The following PMEPA1 variants were observed in gnomAD, a reference collection of about 807,000 sequenced individuals.
The protein encoded by PMEPA1 is protein TMEPAI.
Under a neutral mutation model 23.0 loss-of-function variants are expected in PMEPA1, and 11 were observed. That is an observed-to-expected ratio of 0.48 (90% CI 0.30 to 0.79). PMEPA1 has a LOEUF of 0.79. PMEPA1 is among the 30% of genes least tolerant of loss of function. PMEPA1 has a pLI of 0.06. For missense variants in PMEPA1, 377 were observed against 390.9 expected (o/e 0.96, Z 0.30); for synonymous variants, 204 against 166.4 (o/e 1.23, Z -1.74).
In PMEPA1 at chr20:57,660,192, C is replaced by T. The variant is rs149802990; in HGVS notation, c.110-495G>A. Among the ~76,000 whole-genome samples the T allele has an allele frequency of 4.4e-3, 662 of 152,116 alleles. 6 individuals carry two copies. The highest frequency in any genetic ancestry group is 0.02 in the Middle Eastern group (6 of 294). ...GGGAGGAGAAGGGGACCCCTGAGTG[C>T]GGAGAGAGGAAGTTGGCACTGAGTT... On this transcript the variant is annotated intron_variant, in intron 1 of 3. Transcript: ENST00000341744.
chr20:57,666,287 G>C (rs1275297954), intron 1 of PMEPA1, among the ~76,000 whole-genome samples: 1 of 152,072 alleles, frequency 6.6e-6, no homozygotes, highest in Non-Finnish European at 1.5e-5. Flanking sequence ...TGTCCTGTTT[G>C]TCCTACACTG....
intron 1 of PMEPA1, among the ~76,000 whole-genome samples, chr20:57,680,741 A>C (rs1600653834): frequency 6.6e-6 from 1 of 152,254 alleles, no homozygotes; most frequent in Admixed American, 6.5e-5. Flanking sequence ...CGCTTAGGAA[A>C]GGGCAGTTGT....
intron 1 of PMEPA1, among the ~76,000 whole-genome samples, chr20:57,708,534 C>G (rs1436532500): frequency 6.6e-6 from 1 of 152,208 alleles, no homozygotes; most frequent in Non-Finnish European, 1.5e-5. Flanking sequence ...CACTCCCCAC[C>G]GTTGGTCCAC....
At chr20:57,657,709 G>T (rs913534895) in intron 2 of PMEPA1, among the ~76,000 whole-genome samples, 3 of 152,200 alleles carry the variant, frequency 2.0e-5, no homozygotes, top group African/African-American at 7.2e-5. Context: ...GCAAGCAGAG[G>T]TGTCCAGACC....
rs909360492 is a variant in PMEPA1, at chr20:57,682,444, A to G, written c.110-22747T>C. Among the ~76,000 whole-genome samples, 2 of 152,134 alleles carry G rather than the reference A, an allele frequency of 1.3e-5. No homozygotes were observed. Among genetic ancestry groups the G allele is most frequent in the African/African-American group, 4.8e-5 (2 of 41,436 alleles). On this transcript the variant is annotated intron_variant, in intron 1 of 3. Transcript: ENST00000341744. The surrounding 1 kb of genome is among the most constrained non-coding windows in gnomAD (Gnocchi z 4.4). Reference sequence around the variant, plus strand: ...CAAAGTCACTGGTAACTAGGGGCCCAGGTTCTGGGTCTCCCTGGAGTGTCG... The same window carrying G: ...CAAAGTCACTGGTAACTAGGGGCCCGGGTTCTGGGTCTCCCTGGAGTGTCG...
chr20:57,691,158 C>A (rs1260071676), intron 1 of PMEPA1, among the ~76,000 whole-genome samples: 1 of 152,192 alleles, frequency 6.6e-6, no homozygotes, highest in Non-Finnish European at 1.5e-5. Context: ...AAACACTAGG[C>A]CCACCACACA....
chr20:57,675,604 T>C (rs928963115), intron 1 of PMEPA1, among the ~76,000 whole-genome samples: 2 of 151,912 alleles, frequency 1.3e-5, no homozygotes, highest in African/African-American at 4.8e-5. Context: ...GTCTAGGAAA[T>C]GCTGCTGGCC....
chr20:57,666,994 A>T (rs7269897), intron 1 of PMEPA1, among the ~76,000 whole-genome samples: 21,405 of 152,270 alleles, frequency 0.14, 1,770 homozygotes, highest in East Asian at 0.37. Flanking sequence ...CGTGTGCGAT[A>T]CAGAAATATA....
chr20:57,710,530 A>AC, upstream of PMEPA1: 1 of 1,548,498 alleles, frequency 6.5e-7, no homozygotes, highest in Non-Finnish European at 8.8e-7. Context: ...GGCCCACTGA[A>AC]CCCCCAAGCG....
chr20:57,685,864 G>C (rs1187023559), intron 1 of PMEPA1, among the ~76,000 whole-genome samples: 1 of 152,154 alleles, frequency 6.6e-6, no homozygotes, highest in Non-Finnish European at 1.5e-5. Flanking sequence ...CACCTGCTCC[G>C]GGTGGACCAG....
rs1600655384 is a variant in PMEPA1 at position 57,682,070 on chromosome 20, G to A, written c.110-22373C>T. Among the ~76,000 whole-genome samples, 1 of 152,204 alleles carries A rather than the reference G, an allele frequency of 6.6e-6. No homozygotes were observed. Among genetic ancestry groups the A allele is most frequent in the African/African-American group, 2.4e-5 (1 of 41,438 alleles). The stretch of plus-strand genomic sequence containing the variant: ...AGTAGCTCCCTGAGGGCAGGCTCAG[G>A]CCTGTTCCATTCACCAGGTCCTCCC... On this transcript the variant is annotated intron_variant, in intron 1 of 3. Transcript: ENST00000341744. This position sits in a 1 kb window ranked among gnomAD's most constrained non-coding sequence, Gnocchi z 4.4.
intron 1 of PMEPA1, among the ~76,000 whole-genome samples, chr20:57,671,951 C>T (rs573070878): frequency 1.3e-5 from 2 of 152,274 alleles, no homozygotes; most frequent in East Asian, 3.9e-4. Context: ...CCAATTCAGT[C>T]TGATAATGGA....
chr20:57,705,544 G>C (rs188821167), intron 1 of PMEPA1, among the ~76,000 whole-genome samples: 1 of 152,168 alleles, frequency 6.6e-6, no homozygotes, highest in Non-Finnish European at 1.5e-5. Context: ...AGACGAAAAC[G>C]GGAAAACTTC....
chr20:57,693,349 T>TC (rs1185757187), intron 1 of PMEPA1, among the ~76,000 whole-genome samples: 1 of 152,170 alleles, frequency 6.6e-6, no homozygotes, highest in Non-Finnish European at 1.5e-5. Context: ...CCTCGACCTT[T>TC]CCCCCTAGTT....
rs116305671 is a variant in PMEPA1, at chr20:57,678,462, G to A, written c.110-18765C>T. On this transcript the variant is annotated intron_variant, in intron 1 of 3. Coordinates refer to ENST00000341744, the MANE Select transcript of PMEPA1 (RefSeq NM_020182.5). ...GAGGCTGAGGCCAGCAGCCTTAAGC[G>A]GTCCTTAGGGCCTGGCCCAGGCCTG... Among the ~76,000 whole-genome samples the A allele has an allele frequency of 6.9e-3, 1,049 of 152,332 alleles. 16 individuals are homozygous for A. The highest frequency in any genetic ancestry group is 0.024 in the African/African-American group (978 of 41,574).
At chr20:57,674,385 T>C (rs2071608795) in intron 1 of PMEPA1, among the ~76,000 whole-genome samples, 1 of 152,246 alleles carries the variant, frequency 6.6e-6, no homozygotes, top group African/African-American at 2.4e-5. Context: ...CCCTTGATCT[T>C]GGACTTCCCA....
At chr20:57,673,799 C>T (rs965626266) in intron 1 of PMEPA1, among the ~76,000 whole-genome samples, 2 of 152,206 alleles carry the variant, frequency 1.3e-5, no homozygotes, top group East Asian at 3.8e-4. Flanking sequence ...CAGAGGCTCA[C>T]GGTGTGAACC....
At position 57,706,084 on chromosome 20, in the gene PMEPA1, A is replaced by C. The variant is rs578018619; in HGVS notation, c.109+3390T>G. Among the ~76,000 whole-genome samples, 33 of 152,246 alleles carry C rather than the reference A, an allele frequency of 2.2e-4. No homozygotes were observed. In the South Asian group the frequency reaches 4.1e-3, roughly 19 times the overall value. On this transcript the variant is annotated intron_variant, in intron 1 of 3. Coordinates refer to ENST00000341744, the MANE Select transcript of PMEPA1 (RefSeq NM_020182.5). Reference sequence around the variant, plus strand: ...GAGAAGAAGAATCAGAGGCTCGGTGACTCTGGCCAGTGGGTGATGTTAAAA... The same window carrying C: ...GAGAAGAAGAATCAGAGGCTCGGTGCCTCTGGCCAGTGGGTGATGTTAAAA...
intron 1 of PMEPA1, among the ~76,000 whole-genome samples, chr20:57,674,111 A>G (rs2071604818): frequency 6.6e-6 from 1 of 152,144 alleles, no homozygotes; most frequent in African/African-American, 2.4e-5. Flanking sequence ...GTGCCCCTCC[A>G]ACATATGTTG....
Sources: gnomAD v4.1 joint callset for allele counts (sites outside exome capture counted in the v4.1 genomes callset) on GRCh38, gnomAD v4.1.1 for gene constraint, Gnocchi (gnomAD v3.1) non-coding constraint, MANE v1.5 for transcripts, NCBI Gene and HGNC (gene_info 2026-07-23, HGNC 2026-07-21) for gene names.